PACRGL: variants seen among roughly 807,000 people sequenced by gnomAD.
The protein encoded by PACRGL is PACRG-like protein.
A neutral mutation model predicts 34.5 loss-of-function variants in PACRGL; 38 were observed. The ratio of observed to expected loss-of-function variants is 1.10; its 90% CI spans 0.85 to 1.44. PACRGL has a LOEUF of 1.44. PACRGL is among the 40% of genes most tolerant of loss of function. The pLI, the probability that PACRGL is intolerant of heterozygous loss-of-function variation, is 0.00. For synonymous variants in PACRGL, 128 were observed against 100.1 expected, an observed-to-expected ratio of 1.28 and a Z score of -1.66; for missense variants, 305 against 281.4, an observed-to-expected ratio of 1.08 and a Z score of -0.60.
Position 20,713,361 on chromosome 4 carries a change from A to G in PACRGL, c.502-71A>G, listed in dbSNP as rs1202191022. ...CTCTACTTGCTTGCCCTTTTTTCTA[A>G]CCTATCTTTTCTTTCCTTTTCTCCT... On this transcript the variant is annotated intron_variant, in intron 6 of 8. Transcript: ENST00000503585. 3.4e-6 allele frequency: 4 copies of G among 1,192,146 alleles called. No homozygotes were observed. The African/African-American group carries it at 6.1e-5, about 18-fold the overall frequency. 73.8% of individuals were successfully genotyped at this position (1,192,146 alleles called of 1,614,324 possible). A position where few individuals can be genotyped will look rare whatever the true frequency, so the allele number is the denominator to read the frequency against.
chr4:20,725,324 T>C (rs1016993167), intron 8 of PACRGL, among the ~76,000 whole-genome samples: 12 of 150,844 alleles, frequency 8.0e-5, no homozygotes, highest in Admixed American at 3.3e-4. Context: ...CTATTCTGTC[T>C]GTAAGTGCGT....
rs150500908 is a variant in PACRGL at position 20,742,240 on chromosome 4, T to C, written c.*57-10325T>C. Among the ~76,000 whole-genome samples, 354 of 152,298 alleles carry C rather than the reference T, an allele frequency of 2.3e-3. 8 individuals are homozygous for C. The South Asian group carries it at 0.046, about 20-fold the overall frequency. Reference sequence around the variant, plus strand: ...TTTTATGAGGCCAGCATCATCCTGATACCAAAGCCTAGCAGAGATACAACA... The same window carrying C: ...TTTTATGAGGCCAGCATCATCCTGACACCAAAGCCTAGCAGAGATACAACA... On this transcript the variant is annotated intron_variant, in intron 8 of 8. Transcript: ENST00000507634.
intron 8 of PACRGL, among the ~76,000 whole-genome samples, chr4:20,743,795 C>A (rs1046650600): frequency 6.6e-6 from 1 of 152,092 alleles, no homozygotes; most frequent in African/African-American, 2.4e-5. Context: ...TAAGGAACTT[C>A]TGCACAGCAA....
chr4:20,717,208 A>T (rs1740536056), intron 7 of PACRGL, among the ~76,000 whole-genome samples: 1 of 151,770 alleles, frequency 6.6e-6, no homozygotes, highest in Non-Finnish European at 1.5e-5. Context: ...AATTTGTTTG[A>T]GTTCTTTGTG....
At chr4:20,735,143 G>A (rs1275292225), downstream of PACRGL, among the ~76,000 whole-genome samples, 2 of 152,196 alleles carry the variant, frequency 1.3e-5, no homozygotes, top group East Asian at 1.9e-4. Flanking sequence ...AAATGTGGCT[G>A]TCCATAAAAG....
Position 20,749,715 on chromosome 4 carries a change from G to A in PACRGL, c.*57-2850G>A. The A allele has an allele frequency of 1.9e-6, 3 of 1,608,470 alleles. No homozygotes were observed. The highest frequency in any genetic ancestry group is 2.6e-6 in the Non-Finnish European group (3 of 1,175,988). The stretch of plus-strand genomic sequence containing the variant: ...GTATCAAATGCATTGAACAGAAAAT[G>A]TGCATATGTTGTAGAGTCTGAAATG... On this transcript the variant is annotated intron_variant, in intron 8 of 8. Transcript: ENST00000507634.
exon 9 of PACRGL, chr4:20,752,670 G>A (rs1753858514): frequency 1.3e-5 from 2 of 152,202 alleles, no homozygotes; most frequent in South Asian, 4.1e-4. Flanking sequence ...TTCTGATGGA[G>A]TTTGGATTTC....
chr4:20,755,862 C>T (rs1255470514), downstream of PACRGL, among the ~76,000 whole-genome samples: 1 of 151,856 alleles, frequency 6.6e-6, no homozygotes, highest in Admixed American at 6.6e-5. Context: ...GGTGGGATGG[C>T]AAGGGGGCCA....
In PACRGL at chr4:20,730,215, C is replaced by A; in HGVS notation, c.*2874C>A. ...TTTGCCCCTGAGTATTGCCTCCTCCCATCAACCACCTCAACCACCTATGCC... is the reference window on the plus strand; with the variant it reads ...TTTGCCCCTGAGTATTGCCTCCTCCAATCAACCACCTCAACCACCTATGCC... On this transcript the variant is annotated 3_prime_UTR_variant, in exon 9 of 9. Coordinates refer to ENST00000503585, the MANE Select transcript of PACRGL (RefSeq NM_001258345.3). The A allele has an allele frequency of 6.9e-7, 1 of 1,453,256 alleles. No individual in the cohort carries two copies. Among genetic ancestry groups the A allele is most frequent in the Non-Finnish European group, 9.2e-7 (1 of 1,088,720 alleles). 90.0% of individuals were successfully genotyped at this position (1,453,256 alleles called of 1,614,324 possible). A position where few individuals can be genotyped will look rare whatever the true frequency, so the allele number is the denominator to read the frequency against.
chr4:20,709,848 G>T, intron 5 of PACRGL, 75 bp downstream of exon 5: 2 of 1,256,450 alleles, frequency 1.6e-6, no homozygotes, highest in South Asian at 1.2e-5. Flanking sequence ...TTTGTAGCTT[G>T]TCAGTAAATT....
intron 8 of PACRGL, among the ~76,000 whole-genome samples, chr4:20,725,403 A>T (rs963717567): frequency 1.3e-5 from 2 of 152,058 alleles, no homozygotes; most frequent in Non-Finnish European, 2.9e-5. Flanking sequence ...ACAGTGCTGG[A>T]ATAGTTTAAT....
downstream of PACRGL, among the ~76,000 whole-genome samples, chr4:20,736,176 A>G (rs542958232): frequency 2.6e-5 from 4 of 152,202 alleles, no homozygotes; most frequent in Non-Finnish European, 5.9e-5. Flanking sequence ...TTTACTTCCA[A>G]GGAATTTTTG....
rs1313979789 is a variant in PACRGL at position 20,712,549 on chromosome 4, C to G, written c.367-239C>G. 5 of 328,578 alleles carry G rather than the reference C, an allele frequency of 1.5e-5. No individual in the cohort carries two copies. The East Asian group carries it at 2.4e-4, about 16-fold the overall frequency. The allele number at this position is 328,578 out of a possible 1,614,324, so 20.4% of individuals were successfully genotyped here. A position where few individuals can be genotyped will look rare whatever the true frequency, so the allele number is the denominator to read the frequency against. On this transcript the variant is annotated intron_variant, in intron 5 of 8. Coordinates refer to ENST00000503585, the MANE Select transcript of PACRGL (RefSeq NM_001258345.3). ...TTTATATGAAGAACTTTAGTATCCA[C>G]GGGTTTTGGTATCCATTGGAGGGGG...
chr4:20,704,378 A>G (rs918617293), intron 1 of PACRGL, 88 bp from the exon 2 acceptor site: 3 of 1,218,376 alleles, frequency 2.5e-6, no homozygotes, highest in South Asian at 1.4e-5. Flanking sequence ...ACTGTATTGT[A>G]TACTCTGTTC....
At chr4:20,765,157 G>A in the PACRGL span, among the ~76,000 whole-genome samples, 1 of 152,142 alleles carries the variant, frequency 6.6e-6, no homozygotes, top group Non-Finnish European at 1.5e-5. Context: ...ATACAGGAAT[G>A]AGTTTTTAAA....
At position 20,749,635 on chromosome 4, in the gene PACRGL, A is replaced by G. The variant is rs773853961; in HGVS notation, c.*57-2930A>G. 3 of 1,497,220 alleles carry G rather than the reference A, an allele frequency of 2.0e-6. No homozygotes were observed. In the South Asian group the frequency reaches 3.5e-5, roughly 18 times the overall value. The allele number at this position is 1,497,220 out of a possible 1,614,324, so 92.7% of individuals were successfully genotyped here. ...AAAAGACTAAACTCTAAATAGTCAA[A>G]TGATATGAAAATAATCCAGAGCTTA... is the stretch of plus-strand genomic sequence containing the variant. On this transcript the variant is annotated intron_variant, in intron 8 of 8. Transcript: ENST00000507634.
At position 20,729,332 on chromosome 4, in the gene PACRGL, G is replaced by C. The variant is rs892491665; in HGVS notation, c.*1991G>C. ...CACTTAATGATTGATACTAATGATT[G>C]ATACAATAGAAAACAGCCTGTAAGA... On this transcript the variant is annotated 3_prime_UTR_variant, in exon 9 of 9. Coordinates refer to ENST00000503585, the MANE Select transcript of PACRGL (RefSeq NM_001258345.3). 1 of 151,432 alleles carries C rather than the reference G, an allele frequency of 6.6e-6. No homozygotes were observed. Among genetic ancestry groups the C allele is most frequent in the African/African-American group, 2.4e-5 (1 of 41,322 alleles). 9.4% of individuals were successfully genotyped at this position (151,432 alleles called of 1,614,324 possible).
chr4:20,746,555 A>G (rs1454124047), intron 8 of PACRGL, among the ~76,000 whole-genome samples: 1 of 152,148 alleles, frequency 6.6e-6, no homozygotes, highest in African/African-American at 2.4e-5. Flanking sequence ...TAACTGCTAT[A>G]GTTAACATCT....
At chr4:20,748,025 A>G (rs996187897) in intron 8 of PACRGL, among the ~76,000 whole-genome samples, 1 of 152,122 alleles carries the variant, frequency 6.6e-6, no homozygotes, top group African/African-American at 2.4e-5. Flanking sequence ...ACTGGAGTTC[A>G]GGCTTTTATC....
Sources: allele counts gnomAD v4.1 joint callset (sites outside exome capture counted in the v4.1 genomes callset), GRCh38; gene constraint gnomAD v4.1.1; transcripts MANE v1.5; gene names NCBI Gene and HGNC (gene_info 2026-07-23, HGNC 2026-07-21).